Variants in MGLL observed in about 807,000 individuals in gnomAD.
MGLL encodes the protein monoglyceride lipase.
MGLL carries 7 observed loss-of-function variants against 29.1 expected under a neutral mutation model. That is an observed-to-expected ratio of 0.24 (90% CI 0.14 to 0.45). MGLL has a LOEUF of 0.45. Ranked by LOEUF, MGLL falls within the 20% of genes least tolerant of loss-of-function variation. The pLI, the probability that MGLL is intolerant of heterozygous loss-of-function variation, is 0.99. For synonymous variants in MGLL, 148 were observed against 168.3 expected (o/e 0.88, Z 0.93); for missense variants, 356 against 413.6 (o/e 0.86, Z 1.21).
intron 3 of MGLL, chr3:127,735,901 G>T (rs1447184469): frequency 1.3e-6 from 2 of 1,546,484 alleles, no homozygotes; most frequent in Non-Finnish European, 8.7e-7. Context: ...GCTCTGCAAA[G>T]AGATGGGGCA....
intron 6 of MGLL, among the ~76,000 whole-genome samples, chr3:127,705,757 C>T (rs1210690918): frequency 4.4e-5 from 6 of 136,902 alleles, no homozygotes; most frequent in African/African-American, 1.7e-4. Context: ...GCCTGGGCGA[C>T]GAGAGAGAAA....
chr3:127,735,023 C>G (rs1171787811), intron 3 of MGLL, among the ~76,000 whole-genome samples: 3 of 152,376 alleles, frequency 2.0e-5, no homozygotes, highest in African/African-American at 7.2e-5. Flanking sequence ...AACCACACAA[C>G]AGACCCGGAG....
chr3:127,721,391 A>G (rs575801014), intron 4 of MGLL, among the ~76,000 whole-genome samples: 3 of 152,158 alleles, frequency 2.0e-5, no homozygotes, highest in Non-Finnish European at 4.4e-5. Context: ...TCAGAGAGAT[A>G]TAAATAAGGT....
At chr3:127,720,411 G>A (rs763417548) in intron 5 of MGLL, among the ~76,000 whole-genome samples, 4 of 152,146 alleles carry the variant, frequency 2.6e-5, no homozygotes, top group Non-Finnish European at 4.4e-5. Context: ...CAAGCAAGCC[G>A]CCCTACCGAG....
At chr3:127,789,589 T>G (rs975608735) in intron 2 of MGLL, among the ~76,000 whole-genome samples, 1 of 151,870 alleles carries the variant, frequency 6.6e-6, no homozygotes, top group Non-Finnish European at 1.5e-5. Context: ...GTGCAGCTAC[T>G]TGGAAGGCTG....
chr3:127,692,556 CCTT>C (rs1388670234), intron 7 of MGLL, among the ~76,000 whole-genome samples: 1 of 152,238 alleles, frequency 6.6e-6, no homozygotes, highest in African/African-American at 2.4e-5. Flanking sequence ...CAAATGCAAA[CCTT>C]CCCTCACTCC....
intron 3 of MGLL, among the ~76,000 whole-genome samples, chr3:127,724,186 T>C (rs1442225458): frequency 2.0e-5 from 3 of 152,112 alleles, no homozygotes; most frequent in African/African-American, 7.2e-5. Context: ...TCATACTAGC[T>C]ATTAAACCCC....
intron 2 of MGLL, among the ~76,000 whole-genome samples, chr3:127,795,134 T>A (rs1395266581): frequency 3.3e-5 from 5 of 152,122 alleles, no homozygotes; most frequent in Non-Finnish European, 7.3e-5. Flanking sequence ...TAGGTGCCCA[T>A]CAACAGTGGA....
intron 2 of MGLL, among the ~76,000 whole-genome samples, chr3:127,782,749 G>GTA (rs1292132927): frequency 6.6e-6 from 1 of 152,182 alleles, no homozygotes; most frequent in African/African-American, 2.4e-5. Context: ...TGGTGATGAG[G>GTA]GGAAAGAGGA....
chr3:127,812,436 T>G (rs532396959), intron 2 of MGLL, among the ~76,000 whole-genome samples: 1 of 152,270 alleles, frequency 6.6e-6, no homozygotes, highest in African/African-American at 2.4e-5. Flanking sequence ...GACATGGAAC[T>G]GAGTTTCATT....
chr3:127,725,830 C>T (rs1295239020), intron 3 of MGLL, among the ~76,000 whole-genome samples: 2 of 152,056 alleles, frequency 1.3e-5, no homozygotes, highest in African/African-American at 4.8e-5. Context: ...CTTTGGGAGG[C>T]CAGGGTGGAA....
intron 4 of MGLL, among the ~76,000 whole-genome samples, 156 bp downstream of exon 4, chr3:127,722,274 G>A (rs1458754880): frequency 6.6e-6 from 1 of 152,200 alleles, no homozygotes; most frequent in Non-Finnish European, 1.5e-5. Context: ...TCCTAAGCAC[G>A]GAATTGCCCA....
At chr3:127,726,913 G>C (rs2076057165) in intron 3 of MGLL, among the ~76,000 whole-genome samples, 1 of 152,144 alleles carries the variant, frequency 6.6e-6, no homozygotes, top group African/African-American at 2.4e-5. Context: ...ATTAGCAATA[G>C]CTCCCTAATA....
chr3:127,730,667 C>A (rs1227585327), intron 3 of MGLL, among the ~76,000 whole-genome samples: 1 of 152,140 alleles, frequency 6.6e-6, no homozygotes, highest in African/African-American at 2.4e-5. Flanking sequence ...CTTCCATAAC[C>A]CTGAAGCACT....
intron 2 of MGLL, among the ~76,000 whole-genome samples, chr3:127,787,939 G>T (rs1576291886): frequency 6.6e-6 from 1 of 152,216 alleles, no homozygotes; most frequent in Non-Finnish European, 1.5e-5. Flanking sequence ...TGGAAGCCCA[G>T]ATCTAACTTG....
At chr3:127,800,600 G>C (rs1302911901) in intron 2 of MGLL, among the ~76,000 whole-genome samples, 2 of 152,202 alleles carry the variant, frequency 1.3e-5, no homozygotes, top group African/African-American at 4.8e-5. Context: ...TGCCTGTGGA[G>C]CCCCAGCCAG....
At chr3:127,712,276 G>C (rs1346836834) in intron 5 of MGLL, 1 of 152,250 alleles carries the variant, frequency 6.6e-6, no homozygotes, top group South Asian at 2.1e-4. Flanking sequence ...TGTTCTTTTG[G>C]GGGACAAGAT....
chr3:127,690,020 TGGTCA>T lies in MGLL; in HGVS notation c.*2173_*2177del, dbSNP rs2075214958. ...TAAATTCATGCATCTAAAGAGTCCC[TGGTCA>T]GGCCGCATGCTGATATTCAATTTGG... On this transcript the variant is annotated 3_prime_UTR_variant, in exon 8 of 8. Coordinates refer to ENST00000265052, the MANE Select transcript of MGLL (RefSeq NM_007283.7). 6.6e-6 allele frequency: 1 copy of T among 152,188 alleles called. No individual in the cohort carries two copies. Among genetic ancestry groups the T allele is most frequent in the African/African-American group, 2.4e-5 (1 of 41,436 alleles). 9.4% of individuals were successfully genotyped at this position (152,188 alleles called of 1,614,324 possible). A position where few individuals can be genotyped will look rare whatever the true frequency, so the allele number is the denominator to read the frequency against.
chr3:127,788,312 G>T (rs1038620706), intron 2 of MGLL, among the ~76,000 whole-genome samples: 1 of 152,100 alleles, frequency 6.6e-6, no homozygotes, highest in African/African-American at 2.4e-5. Flanking sequence ...CATGATGTGG[G>T]TACTGTTATT....
Sources: gnomAD v4.1 joint callset for allele counts (sites outside exome capture counted in the v4.1 genomes callset) on GRCh38, gnomAD v4.1.1 for gene constraint, MANE v1.5 for transcripts, NCBI Gene and HGNC (gene_info 2026-07-23, HGNC 2026-07-21) for gene names.